The following ELFN1 variants were observed in gnomAD, a reference collection of about 807,000 sequenced individuals.
ELFN1 encodes the protein extracellular leucine rich repeat and fibronectin type III domain containing 1, also known as protein ELFN1.
Under a neutral mutation model 7.6 loss-of-function variants are expected in ELFN1, and 6 were observed. The observed-to-expected ratio is 0.79, with a 90% CI of 0.43 to 1.56. The LOEUF is 1.56. Ranked by LOEUF, ELFN1 falls within the 40% of genes most tolerant of loss-of-function variation. The pLI is 0.01. For synonymous variants in ELFN1, 657 were observed against 588.1 expected, an observed-to-expected ratio of 1.12 and a Z score of -1.70; for missense variants, 1,169 against 1,232.2, an observed-to-expected ratio of 0.95 and a Z score of 0.77.
At position 1,745,478 on chromosome 7, in the gene ELFN1, C is replaced by T. The variant is rs1189910524; in HGVS notation, c.882C>T (p.Cys294=). ...PSDMPCADDE[C]FSGDGTTPLV... ...ACATGCCCTGTGCCGATGATGAGTGCTTCTCCGGGGACGGCACCACGCCAC... is the reference window on the plus strand; with the variant it reads ...ACATGCCCTGTGCCGATGATGAGTGTTTCTCCGGGGACGGCACCACGCCAC... Residue 294 remains cysteine (C), a synonymous_variant, in exon 4 of 4, where the codon TGC becomes TGT. Coordinates refer to ENST00000424383, the MANE Select transcript of ELFN1 (RefSeq NM_001128636.4). 7.8e-6 allele frequency: 12 copies of T among 1,542,430 alleles called. No individual in the cohort carries two copies. The highest frequency in any genetic ancestry group is 1.0e-5 in the Non-Finnish European group (12 of 1,146,716).
At chr7:1,683,141 T>C (rs914595914) in intron 1 of ELFN1, among the ~76,000 whole-genome samples, 3 of 152,114 alleles carry the variant, frequency 2.0e-5, no homozygotes, top group African/African-American at 4.8e-5. Context: ...AGGGAAAATA[T>C]TGCTCTCACA....
At chr7:1,669,444 G>A (rs945533112), upstream of ELFN1, among the ~76,000 whole-genome samples, 1 of 152,104 alleles carries the variant, frequency 6.6e-6, no homozygotes, top group African/African-American at 2.4e-5. Context: ...AGGCACCGCC[G>A]GGGCCTGCCC....
At position 1,690,119 on chromosome 7, in the gene ELFN1, G is replaced by A. The variant is rs543638439; in HGVS notation, c.-456+1969G>A. On this transcript the variant is annotated intron_variant, in intron 2 of 3. Coordinates refer to ENST00000424383, the MANE Select transcript of ELFN1 (RefSeq NM_001128636.4). ...TGGATGCATGGGTTGATGGATGGGC[G>A]GGTGGATGGATGAGCAAGTGGATGG... Among the ~76,000 whole-genome samples, 223 of 152,290 alleles carry A rather than the reference G, an allele frequency of 1.5e-3. 1 individual carries two copies. Among genetic ancestry groups the A allele is most frequent in the Non-Finnish European group, 2.4e-3 (165 of 68,024 alleles).
chr7:1,740,784 T>C lies in ELFN1; in HGVS notation c.-293-3520T>C, dbSNP rs1212739586. Among the ~76,000 whole-genome samples the C allele has an allele frequency of 6.6e-6, 1 of 152,174 alleles. No individual in the cohort carries two copies. Among genetic ancestry groups the C allele is most frequent in the African/African-American group, 2.4e-5 (1 of 41,454 alleles). On this transcript the variant is annotated intron_variant, in intron 3 of 3. Transcript: ENST00000424383. This position sits in a 1 kb window ranked among gnomAD's most constrained non-coding sequence, Gnocchi z 5.0. ...CAGTGTGACTTCGGACAAGTCCTTC[T>C]GTGTCTGTGCCTCAGTTTCCCCGCT...
Position 1,742,907 on chromosome 7 carries a change from G to A in ELFN1, c.-293-1397G>A, listed in dbSNP as rs138962782. On this transcript the variant is annotated intron_variant, in intron 3 of 3. Transcript: ENST00000424383. ...GCTTCAGTGCAGACTAGTTGCAAAC[G>A]TCAATATCAGTGAAATACACCCAGC... is the stretch of plus-strand genomic sequence containing the variant. Among the ~76,000 whole-genome samples, 708 of 152,292 alleles carry A rather than the reference G, an allele frequency of 4.6e-3. 3 individuals are homozygous for A. The highest frequency in any genetic ancestry group is 0.017 in the Middle Eastern group (5 of 294).
intron 3 of ELFN1, among the ~76,000 whole-genome samples, chr7:1,729,055 C>T (rs1780268666): frequency 6.6e-6 from 1 of 152,188 alleles, no homozygotes; most frequent in African/African-American, 2.4e-5. Flanking sequence ...AGCTTAAAGC[C>T]CAGCTCCTCC....
intron 2 of ELFN1, among the ~76,000 whole-genome samples, chr7:1,702,648 A>G (rs1384582793): frequency 6.6e-6 from 1 of 151,282 alleles, no homozygotes; most frequent in Non-Finnish European, 1.5e-5. Context: ...TTCATTACAG[A>G]CATATAGAAA....
chr7:1,673,802 G>T lies in ELFN1; in HGVS notation c.-549+3448G>T, dbSNP rs948992574. Among the ~76,000 whole-genome samples, 2 of 152,312 alleles carry T rather than the reference G, an allele frequency of 1.3e-5. No individual in the cohort carries two copies. Among genetic ancestry groups the T allele is most frequent in the African/African-American group, 4.8e-5 (2 of 41,562 alleles). Reference sequence around the variant, plus strand: ...GTCCAGCCGGTCCATTTTCCAGAAGGGTCCAGCATCGCCCGAGGTCACACA... The same window carrying T: ...GTCCAGCCGGTCCATTTTCCAGAAGTGTCCAGCATCGCCCGAGGTCACACA... On this transcript the variant is annotated intron_variant, in intron 1 of 3. Transcript: ENST00000424383. The surrounding 1 kb of genome is among the most constrained non-coding windows in gnomAD (Gnocchi z 4.7).
At chr7:1,720,498 G>A (rs984698525) in intron 3 of ELFN1, among the ~76,000 whole-genome samples, 9 of 152,352 alleles carry the variant, frequency 5.9e-5, no homozygotes, top group South Asian at 2.1e-4. Context: ...GGGAACCAGC[G>A]TGCAGGTTTG....
chr7:1,683,564 C>T (rs927604713), intron 1 of ELFN1, among the ~76,000 whole-genome samples: 6 of 152,232 alleles, frequency 3.9e-5, no homozygotes, highest in East Asian at 3.9e-4. Context: ...GTCAAGTTGG[C>T]GGTAATATTC....
intron 3 of ELFN1, among the ~76,000 whole-genome samples, chr7:1,744,020 C>T (rs1780703156): frequency 6.6e-6 from 1 of 152,154 alleles, no homozygotes; most frequent in Non-Finnish European, 1.5e-5. Flanking sequence ...CAGGCAGTGC[C>T]CCGTCCATTT....
intron 1 of ELFN1, among the ~76,000 whole-genome samples, chr7:1,677,982 A>G (rs1778904249): frequency 6.6e-6 from 1 of 152,058 alleles, no homozygotes; most frequent in Non-Finnish European, 1.5e-5. Context: ...TTCCTTCATT[A>G]CATTGTCCCC....
At chr7:1,707,388 G>A (rs1779557021) in intron 2 of ELFN1, among the ~76,000 whole-genome samples, 1 of 152,262 alleles carries the variant, frequency 6.6e-6, no homozygotes, top group African/African-American at 2.4e-5. Flanking sequence ...CACTCCACAA[G>A]CATGCGTTCC....
chr7:1,743,761 C>G lies in ELFN1; in HGVS notation c.-293-543C>G, dbSNP rs116721017. ...CGCAGGGTAGCTCCTACAGGCGGCT[C>G]CAGGGGCGTTGTGGCCGGGCCTCCT... On this transcript the variant is annotated intron_variant, in intron 3 of 3. Transcript: ENST00000424383. Among the ~76,000 whole-genome samples the G allele has an allele frequency of 5.2e-3, 792 of 152,326 alleles. 9 individuals are homozygous for G. Among genetic ancestry groups the G allele is most frequent in the African/African-American group, 0.018 (763 of 41,582 alleles).
chr7:1,677,815 C>G (rs1778900606), intron 1 of ELFN1, among the ~76,000 whole-genome samples: 1 of 151,950 alleles, frequency 6.6e-6, no homozygotes, highest in Admixed American at 6.6e-5. Context: ...CGGATGGAGG[C>G]TCTGAGATGC....
At chr7:1,693,235 C>A in intron 2 of ELFN1, 1 of 420,208 alleles carries the variant, frequency 2.4e-6, no homozygotes, top group Non-Finnish European at 5.1e-6. Context: ...GCGTGGACAC[C>A]TTAAGAGTCC....
At chr7:1,668,327 G>A (rs1778702646), upstream of ELFN1, among the ~76,000 whole-genome samples, 1 of 152,252 alleles carries the variant, frequency 6.6e-6, no homozygotes, top group South Asian at 2.1e-4. Flanking sequence ...CTCCGGGCAG[G>A]CGCCCAGCAC....
chr7:1,728,798 C>T (rs777770592), intron 3 of ELFN1, among the ~76,000 whole-genome samples: 10 of 152,314 alleles, frequency 6.6e-5, no homozygotes, highest in Middle Eastern at 3.4e-3. Flanking sequence ...TCCAGCTCCA[C>T]CCGGGTCCCA....
chr7:1,711,024 C>T (rs561286004), intron 3 of ELFN1, among the ~76,000 whole-genome samples: 164 of 152,336 alleles, frequency 1.1e-3, no homozygotes, highest in African/African-American at 3.9e-3. Context: ...TGGGCTGCCC[C>T]GCCTGAGCCA....
Sources: allele counts gnomAD v4.1 joint callset (sites outside exome capture counted in the v4.1 genomes callset), GRCh38; gene constraint gnomAD v4.1.1; non-coding constraint Gnocchi (gnomAD v3.1); transcripts MANE v1.5; gene names NCBI Gene and HGNC (gene_info 2026-07-23, HGNC 2026-07-21).